The following MAP1B variants were observed in gnomAD, a reference collection of about 807,000 sequenced individuals.
The protein encoded by MAP1B is microtubule-associated protein 1B.
A neutral mutation model predicts 176.1 loss-of-function variants in MAP1B; 12 were observed. The ratio of observed to expected loss-of-function variants is 0.07; its 90% CI spans 0.04 to 0.11. MAP1B has a LOEUF of 0.11. MAP1B is among the 10% of genes least tolerant of loss of function. The probability of loss-of-function intolerance (pLI) is 1.00; values close to 1 mark genes in which losing one functional copy is unlikely to be tolerated. For missense variants in MAP1B, 2,523 were observed against 2,990.5 expected, an observed-to-expected ratio of 0.84 and a Z score of 3.65; for synonymous variants, 1,044 against 1,135.0, an observed-to-expected ratio of 0.92 and a Z score of 1.61.
At chr5:72,187,951 C>T (rs1419063601) in intron 4 of MAP1B, among the ~76,000 whole-genome samples, 2 of 152,160 alleles carry the variant, frequency 1.3e-5, no homozygotes, top group South Asian at 2.1e-4. Flanking sequence ...GGATGGGATC[C>T]CCCAGGCAGG....
rs1351736568 is a variant in MAP1B, at chr5:72,208,207, C to T, written c.*2968C>T. 2 of 152,062 alleles carry T rather than the reference C, an allele frequency of 1.3e-5. No homozygotes were observed. The highest frequency in any genetic ancestry group is 2.4e-5 in the African/African-American group (1 of 41,386). The allele number at this position is 152,062 out of a possible 1,614,324, so 9.4% of individuals were successfully genotyped here. On this transcript the variant is annotated 3_prime_UTR_variant, in exon 7 of 7. Transcript: ENST00000296755. ...TAATTTTGCTAGTTCCATAAATACA[C>T]GATTAGTTTAGTAACAGCCATCACA...
intron 4 of MAP1B, among the ~76,000 whole-genome samples, chr5:72,189,695 A>G (rs1289498064): frequency 7.3e-6 from 1 of 137,596 alleles, no homozygotes; most frequent in Non-Finnish European, 1.6e-5. Context: ...TCTGTCTCTT[A>G]AAAAAAAAAA....
intron 2 of MAP1B, among the ~76,000 whole-genome samples, chr5:72,147,845 T>A (rs1036520636): frequency 4.6e-5 from 7 of 152,120 alleles, no homozygotes; most frequent in Non-Finnish European, 8.8e-5. Context: ...GAGGATCCAG[T>A]TTGCTGTCTG....
chr5:72,196,741 A>G lies in MAP1B; in HGVS notation c.3386A>G (p.Glu1129Gly). 6.2e-7 allele frequency: 1 copy of G among 1,614,166 alleles called. No homozygotes were observed. The highest frequency in any genetic ancestry group is 8.5e-7 in the Non-Finnish European group (1 of 1,180,022). The change falls in exon 5 of 7, where the codon GAG becomes GGG. Residue 1129 changes from glutamate (E) to glycine (G), a missense_variant. Glu to Gly is a moderately conservative substitution (Grantham distance 98). Coordinates refer to ENST00000296755, the MANE Select transcript of MAP1B (RefSeq NM_005909.5). This position sits in a 1 kb window ranked among gnomAD's most constrained non-coding sequence, Gnocchi z 5.3. Reference sequence around the variant, plus strand: ...CAGTCTACTATTGAGATATCCAGTGAGCCCACCCCCATGGATGAGATGTCT... The same window carrying G: ...CAGTCTACTATTGAGATATCCAGTGGGCCCACCCCCATGGATGAGATGTCT... ...YTQSTIEISS[E>G]PTPMDEMSTP...
intron 2 of MAP1B, among the ~76,000 whole-genome samples, chr5:72,122,370 G>A (rs905745491): frequency 1.6e-4 from 24 of 152,130 alleles, no homozygotes; most frequent in African/African-American, 5.6e-4. Context: ...AGCGGTGAAA[G>A]AGCCAGACCT....
chr5:72,143,947 G>T (rs2112157078), intron 2 of MAP1B, among the ~76,000 whole-genome samples: 1 of 152,238 alleles, frequency 6.6e-6, no homozygotes, highest in South Asian at 2.1e-4. Context: ...TTGGCTTGTA[G>T]ATGTATCATT....
Position 72,195,824 on chromosome 5 carries a change from C to G in MAP1B, c.2469C>G (p.Leu823=). 6.2e-7 allele frequency: 1 copy of G among 1,614,210 alleles called. No homozygotes were observed. The highest frequency in any genetic ancestry group is 8.5e-7 in the Non-Finnish European group (1 of 1,180,036). The part of the protein sequence containing the change: ...GIAAIGPAKE[L]EAERSLMSSP... ...CAGCCATTGGCCCTGCCAAAGAACT[C>G]GAAGCTGAGAGGTCCCTTATGTCAT... is the stretch of plus-strand genomic sequence containing the variant. The change falls in exon 5 of 7, where the codon CTC becomes CTG. Residue 823 remains leucine (L), a synonymous_variant. Transcript: ENST00000296755.
chr5:72,196,510 C>T lies in MAP1B; in HGVS notation c.3155C>T (p.Ala1052Val). ...TATGTGATGGCTGTGGTCGACAAGG[C>T]TGCAGAGGCTGGTGGTGCCGAGGAG... ...EDYVMAVVDK[A>V]AEAGGAEEQY... Residue 1052 changes from alanine (A) to valine (V), a missense_variant, in exon 5 of 7, where the codon GCT becomes GTT. Coordinates refer to ENST00000296755, the MANE Select transcript of MAP1B (RefSeq NM_005909.5). This position sits in a 1 kb window ranked among gnomAD's most constrained non-coding sequence, Gnocchi z 5.3. 1 of 1,613,852 alleles carries T rather than the reference C, an allele frequency of 6.2e-7. No homozygotes were observed.
At chr5:72,153,960 G>A (rs1460221935) in intron 2 of MAP1B, among the ~76,000 whole-genome samples, 1 of 151,940 alleles carries the variant, frequency 6.6e-6, no homozygotes, top group Non-Finnish European at 1.5e-5. Context: ...TATAATTTCG[G>A]ACTAAAATCT....
At chr5:72,160,814 G>T (rs756578281) in intron 2 of MAP1B, among the ~76,000 whole-genome samples, 3 of 152,148 alleles carry the variant, frequency 2.0e-5, no homozygotes, top group Non-Finnish European at 4.4e-5. Context: ...TTTGTCTCTG[G>T]AGAGCTTCAA....
chr5:72,199,515 G>A lies in MAP1B; in HGVS notation c.6160G>A (p.Ala2054Thr). Residue 2054 changes from alanine (A) to threonine (T), a missense_variant, in exon 5 of 7, where the codon GCA (alanine) becomes ACA (threonine). Physicochemically the swap from Ala to Thr is moderately conservative, Grantham distance 58. Transcript: ENST00000296755. This position sits in a 1 kb window ranked among gnomAD's most constrained non-coding sequence, Gnocchi z 4.2. ...AGAGAAAATCACTAGAACCCCTCAG[G>A]CATCCACATATTCCTACGAGACTTC... ...TAEKITRTPQ[A>T]STYSYETSDL... is the part of the protein sequence containing the mutation. 1 of 1,614,132 alleles carries A rather than the reference G, an allele frequency of 6.2e-7. No homozygotes were observed. Among genetic ancestry groups the A allele is most frequent in the South Asian group, 1.1e-5 (1 of 91,072 alleles).
intron 2 of MAP1B, among the ~76,000 whole-genome samples, chr5:72,143,076 TGTGA>T (rs1353462879): frequency 2.0e-5 from 3 of 152,176 alleles, no homozygotes; most frequent in African/African-American, 7.2e-5. Flanking sequence ...CTTGTGTGTG[TGTGA>T]GTGTGTGCGT....
chr5:72,185,012 T>C (rs1044211882), intron 3 of MAP1B, among the ~76,000 whole-genome samples: 2 of 152,216 alleles, frequency 1.3e-5, no homozygotes, highest in African/African-American at 4.8e-5. Flanking sequence ...AACCTGCCTG[T>C]CCTGATTTGC....
intron 2 of MAP1B, among the ~76,000 whole-genome samples, chr5:72,149,875 T>C (rs1319657167): frequency 1.3e-5 from 2 of 152,244 alleles, no homozygotes; most frequent in African/African-American, 4.8e-5. Context: ...CTGGCTTCTC[T>C]ATGCATATTT....
rs761426221 is a variant in MAP1B, at chr5:72,194,300, C to T, written c.945C>T (p.Asp315=). The T allele has an allele frequency of 6.2e-7, 1 of 1,614,204 alleles. No individual in the cohort carries two copies. Among genetic ancestry groups the T allele is most frequent in the East Asian group, 2.2e-5 (1 of 44,888 alleles). ...DSILLTHIGD[D]NLPGINSMLQ... ...TCCTGCTCACCCACATTGGGGATGA[C>T]AATTTGCCTGGAATAAACAGCATGT... Residue 315 remains aspartate (D), a synonymous_variant, in exon 5 of 7, where the codon GAC becomes GAT. Coordinates refer to ENST00000296755, the MANE Select transcript of MAP1B (RefSeq NM_005909.5). The surrounding 1 kb of genome is among the most constrained non-coding windows in gnomAD (Gnocchi z 7.2).
At chr5:72,111,387 T>C (rs926447535) in intron 1 of MAP1B, among the ~76,000 whole-genome samples, 3 of 152,234 alleles carry the variant, frequency 2.0e-5, no homozygotes, top group African/African-American at 7.2e-5. Context: ...GGTGAAAAGA[T>C]AGATGAATGT....
At chr5:72,161,951 C>T (rs868638558) in intron 2 of MAP1B, among the ~76,000 whole-genome samples, 18 of 89,980 alleles carry the variant, frequency 2.0e-4, no homozygotes, top group African/African-American at 8.3e-4. Context: ...AGCGAAATTC[C>T]GTCTCAAAAA....
chr5:72,152,604 G>A (rs557938510), intron 2 of MAP1B, among the ~76,000 whole-genome samples: 7 of 152,166 alleles, frequency 4.6e-5, no homozygotes, highest in East Asian at 1.9e-4. Flanking sequence ...CCGCCAACAC[G>A]CGCAGCCAGT....
At chr5:72,163,227 C>CAAAAAAAAAA (rs10608907) in intron 2 of MAP1B, among the ~76,000 whole-genome samples, 1 of 78,144 alleles carries the variant, frequency 1.3e-5, no homozygotes, top group East Asian at 3.6e-4. Flanking sequence ...GACTCCATCT[C>CAAAAAAAAAA]AAAAAAAAAA....
Sources: allele counts gnomAD v4.1 joint callset (sites outside exome capture counted in the v4.1 genomes callset), GRCh38; gene constraint gnomAD v4.1.1; non-coding constraint Gnocchi (gnomAD v3.1); transcripts MANE v1.5; gene names NCBI Gene and HGNC (gene_info 2026-07-23, HGNC 2026-07-21).